KCP: variants seen among roughly 807,000 people sequenced by gnomAD.
KCP encodes kielin cysteine rich BMP regulator.
In KCP, 194 loss-of-function variants were observed where a neutral mutation model predicts 212.7. The observed-to-expected ratio is 0.91, with a 90% CI of 0.81 to 1.03. The LOEUF (loss-of-function observed/expected upper bound fraction) is 1.03. KCP is among the 50% of genes least tolerant of loss of function. KCP has a pLI of 0.00. For synonymous variants in KCP, 833 were observed against 865.3 expected (o/e 0.96, Z 0.65); for missense variants, 2,080 against 2,162.5 (o/e 0.96, Z 0.76).
chr7:128,904,090 G>T lies in KCP; in HGVS notation c.620C>A (p.Ser207Tyr). ...QLYEEGVTFL[S>Y]SSNPCLQCTC... The stretch of plus-strand genomic sequence containing the variant: ...GCACTGTAGACAAGGGTTGGAGCTG[G>T]ACAGGAAGGTGACCCCCTCCTCATA... The change falls in exon 6 of 40, where the codon TCC (serine) becomes TAC (tyrosine). Residue 207 changes from serine to tyrosine, a missense_variant. Ser to Tyr is a moderately radical substitution (Grantham distance 144, BLOSUM62 -2). Transcript: ENST00000610776. 2 of 1,551,688 alleles carry T rather than the reference G, an allele frequency of 1.3e-6. No homozygotes were observed. Among genetic ancestry groups the T allele is most frequent in the African/African-American group, 2.7e-5 (2 of 73,120 alleles).
At position 128,878,612 on chromosome 7, in the gene KCP, C is replaced by CT; in HGVS notation, c.4256dup (p.Glu1422Ter). ...AGGGCAGGAGCAGCCCCTCAGGGCCCTGCAGATCGTCCTGGGCAAAGCCAT... is the reference window on the plus strand; with the variant it reads ...AGGGCAGGAGCAGCCCCTCAGGGCCCTTGCAGATCGTCCTGGGCAAAGCCAT... On this transcript the variant is annotated frameshift_variant, in exon 38 of 40. Coordinates refer to ENST00000610776, the MANE Select transcript of KCP (RefSeq NM_001366122.1). LOFTEE classifies it high-confidence loss of function. The CT allele has an allele frequency of 6.4e-7, 1 of 1,551,566 alleles. No homozygotes were observed. Among genetic ancestry groups the CT allele is most frequent in the Non-Finnish European group, 8.7e-7 (1 of 1,147,006 alleles).
chr7:128,896,868 C>G (rs564106842), intron 8 of KCP, among the ~76,000 whole-genome samples: 1 of 126,282 alleles, frequency 7.9e-6, no homozygotes, highest in Non-Finnish European at 1.6e-5. Flanking sequence ...TCCAGCCTGG[C>G]GACAGAGCAA....
chr7:128,878,180 C>A (rs1214003593), intron 38 of KCP, among the ~76,000 whole-genome samples: 1 of 151,966 alleles, frequency 6.6e-6, no homozygotes, highest in Admixed American at 6.6e-5. Flanking sequence ...CCTCAGCCAC[C>A]CGAGTAGCTG....
chr7:128,878,831 G>T, intron 37 of KCP, 109 bp from the exon 38 acceptor site: 2 of 1,099,548 alleles, frequency 1.8e-6, no homozygotes, highest in Non-Finnish European at 1.3e-6. Context: ...GTGCTGTAGG[G>T]GAGGAGAATG....
At chr7:128,902,079 G>A (rs2128949805) in intron 8 of KCP, among the ~76,000 whole-genome samples, 1 of 152,198 alleles carries the variant, frequency 6.6e-6, no homozygotes, top group African/African-American at 2.4e-5. Flanking sequence ...TTAATTTTTT[G>A]AGACAAAGTC....
At chr7:128,884,744 C>T (rs369576440) in intron 28 of KCP, 37 bp downstream of exon 28, 49 of 1,541,290 alleles carry the variant, frequency 3.2e-5, no homozygotes, top group African/African-American at 5.5e-5. Flanking sequence ...TCCCCCCCGA[C>T]GAGGTGCCCC....
At chr7:128,903,445 G>A (rs906845304) in intron 7 of KCP, 15 of 512,972 alleles carry the variant, frequency 2.9e-5, no homozygotes, top group African/African-American at 2.7e-4. Flanking sequence ...CATCCCTGAG[G>A]GCTGACCCCA....
rs1793063322 is a variant in KCP, at chr7:128,877,486, C to T, written c.4616G>A (p.Cys1539Tyr). The T allele has an allele frequency of 5.2e-6, 8 of 1,550,918 alleles. No individual in the cohort carries two copies. The highest frequency in any genetic ancestry group is 1.4e-5 in the African/African-American group (1 of 73,054). The change falls in exon 39 of 40, where the codon TGT (cysteine) becomes TAT (tyrosine). Residue 1539 changes from cysteine (C) to tyrosine (Y), a missense_variant and splice_region_variant. Coordinates refer to ENST00000610776, the MANE Select transcript of KCP (RefSeq NM_001366122.1). ...TGCAGCGGGCATCACCCCCTCACCA[C>T]ACAGCGTGGGGCCTCGCCAGGTAGG... is the stretch of plus-strand genomic sequence containing the variant. ...VTPTWRGPTL[C>Y]VVGCPLERGF...
Position 128,879,698 on chromosome 7 carries a change from C to T in KCP, c.4044+20G>A. On this transcript the variant is annotated intron_variant, in intron 36 of 39. Transcript: ENST00000610776. ...GGACAGCACAGGATCCACCTTCCTC[C>T]ACTCCTCGGCTTTGCTCACCGTGAC... 1.3e-6 allele frequency: 2 copies of T among 1,549,842 alleles called. No individual in the cohort carries two copies. The highest frequency in any genetic ancestry group is 1.7e-6 in the Non-Finnish European group (2 of 1,146,646).
chr7:128,908,504 C>T lies in KCP; in HGVS notation c.141G>A (p.Gly47=), dbSNP rs920492130. Residue 47 remains glycine, a synonymous_variant, in exon 2 of 40, where the codon GGG becomes GGA. Coordinates refer to ENST00000610776, the MANE Select transcript of KCP (RefSeq NM_001366122.1). ...GGGGGTGCCACTGCTCCTGGGAGTTCCCAGCAAGGACTGAGGAATGGGCAG... is the reference window on the plus strand; with the variant it reads ...GGGGGTGCCACTGCTCCTGGGAGTTTCCAGCAAGGACTGAGGAATGGGCAG... The part of the protein sequence containing the change: ...QTTAHSSVLA[G]NSQEQWHPLR... 1 of 1,551,804 alleles carries T rather than the reference C, an allele frequency of 6.4e-7. No homozygotes were observed. The highest frequency in any genetic ancestry group is 2.4e-5 in the East Asian group (1 of 40,916).
chr7:128,902,691 G>A, intron 8 of KCP, 86 bp downstream of exon 8: 1 of 1,259,726 alleles, frequency 7.9e-7, no homozygotes. Flanking sequence ...CAACACCTCT[G>A]CGAAGTACTC....
chr7:128,890,600 C>T (rs1794037915), intron 20 of KCP, 87 bp from the exon 21 acceptor site: 4 of 398,992 alleles, frequency 1.0e-5, no homozygotes, highest in Admixed American at 7.3e-5. Flanking sequence ...GCGTGGAGGA[C>T]GGGTGTCGTG....
chr7:128,906,295 G>A lies in KCP; in HGVS notation c.555C>T (p.Cys185=). Residue 185 remains cysteine (C), a synonymous_variant, in exon 5 of 40, where the codon TGC becomes TGT. Coordinates refer to ENST00000610776, the MANE Select transcript of KCP (RefSeq NM_001366122.1). ...GAGGCTGACCTGGCTTACAGTGCGG[G>A]CAGCATGCTCCTGGCTCAGGGCAGG... The part of the protein sequence containing the change: ...RGPCPEPGAC[C]PHCKPGCDYE... The A allele has an allele frequency of 1.3e-6, 2 of 1,551,016 alleles. No homozygotes were observed. The highest frequency in any genetic ancestry group is 1.7e-6 in the Non-Finnish European group (2 of 1,146,776).
Position 128,894,061 on chromosome 7 carries a change from G to C in KCP, c.926-6C>G. ...CCGCCCGTTTAGGAAACAGCCTGTTGGGAAGGGGGGCCTTAGATGTTCCTC... is the reference window on the plus strand; with the variant it reads ...CCGCCCGTTTAGGAAACAGCCTGTTCGGAAGGGGGGCCTTAGATGTTCCTC... On this transcript the variant is annotated splice_polypyrimidine_tract_variant and splice_region_variant and intron_variant, in intron 9 of 39. Transcript: ENST00000610776. The C allele has an allele frequency of 6.5e-7, 1 of 1,548,722 alleles. No homozygotes were observed. Among genetic ancestry groups the C allele is most frequent in the South Asian group, 1.2e-5 (1 of 83,888 alleles).
chr7:128,882,090 A>G (rs1793369079), intron 29 of KCP, 74 bp from the exon 30 acceptor site: 2 of 1,154,812 alleles, frequency 1.7e-6, no homozygotes, highest in Admixed American at 2.1e-5. Flanking sequence ...GTCCCCATGC[A>G]CTGTGTCCCC....
chr7:128,879,755 T>A lies in KCP; in HGVS notation c.4007A>T (p.Asp1336Val), dbSNP rs1793203900. 6.5e-7 allele frequency: 1 copy of A among 1,550,200 alleles called. No homozygotes were observed. The highest frequency in any genetic ancestry group is 1.4e-5 in the African/African-American group (1 of 72,972). Residue 1336 changes from aspartate (D) to valine (V), a missense_variant, in exon 36 of 40, where the codon GAC becomes GTC. Transcript: ENST00000610776. The part of the protein sequence containing the change: ...WTQEVAVLLG[D>V]MAVRLLQDGA... ...GTCCTGCAGCAGCCGCACGGCCATGTCTCCCAGCAGCACCGCCACCTCCTG... is the reference window on the plus strand; with the variant it reads ...GTCCTGCAGCAGCCGCACGGCCATGACTCCCAGCAGCACCGCCACCTCCTG...
At chr7:128,885,416 C>A in intron 26 of KCP, 146 bp from the exon 27 acceptor site, 1 of 797,578 alleles carries the variant, frequency 1.3e-6, no homozygotes, top group Non-Finnish European at 2.0e-6. Flanking sequence ...GGGCAGAACT[C>A]CTGTCTGTTG....
chr7:128,886,896 C>A lies in KCP; in HGVS notation c.2669G>T (p.Cys890Phe). Residue 890 changes from cysteine to phenylalanine, a missense_variant, in exon 24 of 40, where the codon TGC (cysteine) becomes TTC (phenylalanine). Cys to Phe is a radical substitution (Grantham distance 205). Transcript: ENST00000610776. ...CTCACTGTGGCAAACAGGGCAGAAG[C>A]AGGGGCCTGGAGAGGGGTGGGGGCA... is the stretch of plus-strand genomic sequence containing the variant. The part of the protein sequence containing the change: ...ALCPHPSPGP[C>F]FCPVCHSCLS... 6.6e-7 allele frequency: 1 copy of A among 1,525,902 alleles called. No individual in the cohort carries two copies. The allele number at this position is 1,525,902 out of a possible 1,614,324, so 94.5% of individuals were successfully genotyped here.
intron 4 of KCP, 100 bp from the exon 5 acceptor site, chr7:128,906,463 G>A: frequency 1.2e-6 from 1 of 839,702 alleles, no homozygotes; most frequent in East Asian, 2.7e-5. Context: ...TGTCATAGGG[G>A]CAAGAGGATG....
Sources: allele counts gnomAD v4.1 joint callset (sites outside exome capture counted in the v4.1 genomes callset), GRCh38; gene constraint gnomAD v4.1.1; transcripts MANE v1.5; gene names NCBI Gene and HGNC (gene_info 2026-07-23, HGNC 2026-07-21).